The following FOXP1 variants were observed in gnomAD, a reference collection of about 807,000 sequenced individuals.
FOXP1 encodes the protein forkhead box protein P1.
FOXP1 carries 15 observed loss-of-function variants against 98.2 expected under a neutral mutation model. The ratio of observed to expected loss-of-function variants is 0.15; its 90% CI spans 0.10 to 0.24. The LOEUF is 0.24. Among genes scored for constraint, FOXP1 ranks in the 10% least tolerant of loss-of-function variants. FOXP1 has a pLI of 1.00. For missense variants in FOXP1, 633 were observed against 848.5 expected (o/e 0.75, Z 3.15); for synonymous variants, 371 against 314.5 (o/e 1.18, Z -1.90).
At chr3:70,988,134 A>T in intron 13 of FOXP1, 57 bp from the exon 14 acceptor site, 1 of 1,402,600 alleles carries the variant, frequency 7.1e-7, no homozygotes, top group Non-Finnish European at 1.0e-6. Flanking sequence ...GGCTCTTAAC[A>T]CCAAAAATGA....
chr3:71,167,147 T>G (rs1470341128), intron 6 of FOXP1, among the ~76,000 whole-genome samples: 1 of 151,854 alleles, frequency 6.6e-6, no homozygotes, highest in African/African-American at 2.4e-5. Flanking sequence ...CAGATGAAGA[T>G]GTTATTATGT....
intron 1 of FOXP1, chr3:71,582,066 G>A (rs2048220637): frequency 2.0e-6 from 2 of 983,746 alleles, no homozygotes; most frequent in Non-Finnish European, 2.4e-6. Context: ...GGGGGCGGGA[G>A]CTGCGCGGGA....
chr3:71,306,631 CAAAAAAAAAAAAAAA>C (rs66479255), intron 4 of FOXP1, among the ~76,000 whole-genome samples: 2 of 42,852 alleles, frequency 4.7e-5, no homozygotes, highest in Non-Finnish European at 8.4e-5. Context: ...GAGAATAAGC[CAAAAAAAAAAAAAAA>C]AAAAAAAAAA....
intron 6 of FOXP1, among the ~76,000 whole-genome samples, chr3:71,194,620 T>C (rs966339173): frequency 1.3e-5 from 2 of 151,902 alleles, no homozygotes; most frequent in Non-Finnish European, 2.9e-5. Flanking sequence ...TAATTGCTAA[T>C]AGTATTTGTT....
chr3:71,014,722 G>T (rs1343216766), intron 12 of FOXP1, among the ~76,000 whole-genome samples: 1 of 152,134 alleles, frequency 6.6e-6, no homozygotes, highest in Non-Finnish European at 1.5e-5. Flanking sequence ...ATTCACAATA[G>T]TAATACTTGG....
intron 5 of FOXP1, among the ~76,000 whole-genome samples, chr3:71,239,486 G>A (rs550539076): frequency 1.4e-4 from 21 of 152,310 alleles, no homozygotes; most frequent in Admixed American, 2.0e-4. Context: ...AGAGGTTGCA[G>A]TGAGCCGAGA....
intron 7 of FOXP1, among the ~76,000 whole-genome samples, chr3:71,095,479 T>A (rs982883203): frequency 2.0e-5 from 3 of 152,158 alleles, no homozygotes; most frequent in African/African-American, 7.2e-5. Flanking sequence ...GTAAAACAGA[T>A]AAAGAGGTAA....
intron 3 of FOXP1, among the ~76,000 whole-genome samples, chr3:71,417,446 G>A (rs1264907591): frequency 6.6e-6 from 1 of 152,134 alleles, no homozygotes; most frequent in East Asian, 1.9e-4. Flanking sequence ...TGAGCACTGG[G>A]CTTCTGGACT....
chr3:71,172,780 G>A (rs1456550366), intron 6 of FOXP1, among the ~76,000 whole-genome samples: 7 of 151,954 alleles, frequency 4.6e-5, no homozygotes, highest in East Asian at 1.9e-4. Flanking sequence ...GGGAAATTTC[G>A]TTAGCTGCCT....
At chr3:71,306,769 C>A (rs926489732) in intron 4 of FOXP1, among the ~76,000 whole-genome samples, 1 of 151,878 alleles carries the variant, frequency 6.6e-6, no homozygotes, top group Non-Finnish European at 1.5e-5. Flanking sequence ...CATGACCACT[C>A]ATTTAAAAAC....
At chr3:71,551,858 A>C (rs1285469272) in intron 2 of FOXP1, among the ~76,000 whole-genome samples, 1 of 152,194 alleles carries the variant, frequency 6.6e-6, no homozygotes, top group Non-Finnish European at 1.5e-5. Flanking sequence ...TATACTATTA[A>C]AGCAAATTCC....
chr3:71,508,186 G>T (rs2041961302), intron 2 of FOXP1, among the ~76,000 whole-genome samples: 1 of 152,188 alleles, frequency 6.6e-6, no homozygotes, highest in Admixed American at 6.5e-5. Flanking sequence ...GACTAGAAAA[G>T]CTGACAAAAA....
intron 12 of FOXP1, among the ~76,000 whole-genome samples, chr3:71,003,665 T>G (rs1559692123): frequency 6.6e-6 from 1 of 152,202 alleles, no homozygotes; most frequent in Non-Finnish European, 1.5e-5. Context: ...ATGATTTATA[T>G]AAAATGGTCG....
intron 3 of FOXP1, among the ~76,000 whole-genome samples, chr3:71,419,469 G>A (rs1475812463): frequency 6.6e-6 from 1 of 151,866 alleles, no homozygotes; most frequent in Non-Finnish European, 1.5e-5. Context: ...GTTTACAGAA[G>A]CTGTAGGCCA....
chr3:71,371,605 G>T (rs577835226), intron 3 of FOXP1, among the ~76,000 whole-genome samples: 1 of 152,298 alleles, frequency 6.6e-6, no homozygotes, highest in Non-Finnish European at 1.5e-5. Context: ...GGGCAACACG[G>T]CAAGATTCCA....
At chr3:71,087,417 G>A (rs1409928991) in intron 7 of FOXP1, among the ~76,000 whole-genome samples, 4 of 152,244 alleles carry the variant, frequency 2.6e-5, no homozygotes, top group East Asian at 1.9e-4. Context: ...TGATGTAAAC[G>A]GCATCGAGCC....
chr3:71,495,207 T>C (rs2091322613), intron 2 of FOXP1, among the ~76,000 whole-genome samples: 1 of 152,238 alleles, frequency 6.6e-6, no homozygotes, highest in Non-Finnish European at 1.5e-5. Flanking sequence ...GAGCCCATTC[T>C]TTACACAACT....
At chr3:71,046,802 T>C in intron 10 of FOXP1, 140 bp downstream of exon 10, 2 of 1,051,852 alleles carry the variant, frequency 1.9e-6, no homozygotes, top group South Asian at 1.3e-5. Context: ...GGGTCCATCA[T>C]TATCCCACTC....
intron 2 of FOXP1, among the ~76,000 whole-genome samples, chr3:71,544,021 A>ATATATGTGTG (rs573161181): frequency 1.0e-4 from 12 of 118,310 alleles, no homozygotes; most frequent in African/African-American, 3.5e-4. Context: ...GTATACACAC[A>ATATATGTGTG]TATACACACA....
Sources: gnomAD v4.1 joint callset for allele counts (sites outside exome capture counted in the v4.1 genomes callset) on GRCh38, gnomAD v4.1.1 for gene constraint, MANE v1.5 for transcripts, NCBI Gene and HGNC (gene_info 2026-07-23, HGNC 2026-07-21) for gene names.